PPFIA2: variants seen among roughly 807,000 people sequenced by gnomAD.
PPFIA2 encodes liprin-alpha-2.
Under a neutral mutation model 175.5 loss-of-function variants are expected in PPFIA2, and 46 were observed. The observed-to-expected ratio is 0.26, with a 90% CI of 0.21 to 0.34. The LOEUF is 0.34. Among genes scored for constraint, PPFIA2 ranks in the 10% least tolerant of loss-of-function variants. PPFIA2 has a pLI of 1.00. For missense variants in PPFIA2, 1,179 were observed against 1,506.1 expected, an observed-to-expected ratio of 0.78 and a Z score of 3.60; for synonymous variants, 568 against 511.4, an observed-to-expected ratio of 1.11 and a Z score of -1.49.
At chr12:81,348,179 G>C (rs1387353401) in intron 17 of PPFIA2, among the ~76,000 whole-genome samples, 3 of 152,014 alleles carry the variant, frequency 2.0e-5, no homozygotes, top group Non-Finnish European at 4.4e-5. Context: ...CAATAGCTTA[G>C]AAAAAGTGAA....
intron 4 of PPFIA2, among the ~76,000 whole-genome samples, chr12:81,505,049 C>A (rs922958346): frequency 4.6e-5 from 7 of 151,998 alleles, no homozygotes; most frequent in Non-Finnish European, 8.8e-5. Flanking sequence ...ATGTAGATAA[C>A]GGGTTGATGC....
At chr12:81,316,687 T>C (rs758366630) in intron 22 of PPFIA2, among the ~76,000 whole-genome samples, 61 of 151,622 alleles carry the variant, frequency 4.0e-4, no homozygotes, top group Admixed American at 1.8e-3. Context: ...CATTTGTTGC[T>C]CATTTTTAAG....
At chr12:81,447,363 C>T (rs897053334) in intron 5 of PPFIA2, among the ~76,000 whole-genome samples, 3 of 152,086 alleles carry the variant, frequency 2.0e-5, no homozygotes, top group Non-Finnish European at 4.4e-5. Context: ...GTCAATCTTT[C>T]GCTGGCAAAC....
At chr12:81,543,504 G>A (rs942037020) in intron 4 of PPFIA2, among the ~76,000 whole-genome samples, 2 of 152,106 alleles carry the variant, frequency 1.3e-5, no homozygotes, top group Non-Finnish European at 2.9e-5. Flanking sequence ...GATGATATAA[G>A]TAAATAAATG....
intron 22 of PPFIA2, among the ~76,000 whole-genome samples, chr12:81,311,165 ATAGATAAATACTC>A (rs1034168007): frequency 1.3e-5 from 2 of 152,220 alleles, no homozygotes; most frequent in Non-Finnish European, 2.9e-5. Context: ...TCTGTTAGGA[ATAGATAAATACTC>A]TAATTTTAGC....
In PPFIA2 at chr12:81,509,903, C is replaced by A. The variant is rs542677288; in HGVS notation, c.304-52037G>T. Among the ~76,000 whole-genome samples, 4 of 152,208 alleles carry A rather than the reference C, an allele frequency of 2.6e-5. No homozygotes were observed. In the East Asian group the frequency reaches 7.7e-4, roughly 29 times the overall value. On this transcript the variant is annotated intron_variant, in intron 4 of 32. Coordinates refer to ENST00000549396, the MANE Select transcript of PPFIA2 (RefSeq NM_003625.5). ...TAAAAAGTGAATGTTTTTGAAAGTT[C>A]AGAACCATTCTATGCTATCTGTTAG...
intron 9 of PPFIA2, among the ~76,000 whole-genome samples, chr12:81,377,617 C>G (rs2036680967): frequency 6.6e-6 from 1 of 151,816 alleles, no homozygotes; most frequent in African/African-American, 2.4e-5. Context: ...TCCCTAGTCT[C>G]CTGCCCACCC....
chr12:81,508,287 C>T (rs964565345), intron 4 of PPFIA2, among the ~76,000 whole-genome samples: 7 of 151,720 alleles, frequency 4.6e-5, no homozygotes. Context: ...TTTGGGAGGC[C>T]GAGGTGGGTG....
At chr12:81,330,876 T>C (rs1394202825) in intron 21 of PPFIA2, among the ~76,000 whole-genome samples, 1 of 152,224 alleles carries the variant, frequency 6.6e-6, no homozygotes, top group Non-Finnish European at 1.5e-5. Flanking sequence ...CCGGAGACTG[T>C]ATCTATACAC....
intron 30 of PPFIA2, 50 bp from the exon 31 acceptor site, chr12:81,263,440 A>G (rs1565785394): frequency 2.6e-6 from 4 of 1,515,216 alleles, no homozygotes; most frequent in Non-Finnish European, 3.7e-6. Flanking sequence ...AAACTAGTCC[A>G]TGTGCTTAAA....
rs377180392 is a variant in PPFIA2, at chr12:81,339,194, C to T, written c.2534G>A (p.Arg845Gln). 136 of 1,598,670 alleles carry T rather than the reference C, an allele frequency of 8.5e-5. No homozygotes were observed. The highest frequency in any genetic ancestry group is 1.7e-4 in the Middle Eastern group (1 of 5,954). ...GRLFGKKEKA[R>Q]LGQLRGFMET... ...TGCATACTTACGGAGCTGCCCAAGT[C>T]GAGCTTTTTCTTTTTTACCAAACAA... is the stretch of plus-strand genomic sequence containing the variant. Residue 845 changes from arginine to glutamine, a missense_variant, in exon 21 of 33, where the codon CGA (arginine) becomes CAA (glutamine). Physicochemically the swap from Arg to Gln is conservative, Grantham distance 43. This residue lies in a region of PPFIA2 where 223 missense variants were observed against 241.6 expected (regional missense o/e 0.92). Transcript: ENST00000549396.
At chr12:81,425,970 G>T (rs1455342133) in intron 7 of PPFIA2, among the ~76,000 whole-genome samples, 1 of 152,100 alleles carries the variant, frequency 6.6e-6, no homozygotes, top group Non-Finnish European at 1.5e-5. Context: ...AGGAGGTCAG[G>T]CTTTTGCCCT....
At chr12:81,715,011 G>A (rs896723183) in intron 3 of PPFIA2, among the ~76,000 whole-genome samples, 15 of 150,980 alleles carry the variant, frequency 9.9e-5, no homozygotes, top group African/African-American at 3.1e-4. Flanking sequence ...TGTTAATGAA[G>A]TGGAAAGTTT....
At position 81,652,874 on chromosome 12, in the gene PPFIA2, C is replaced by A. The variant is rs573567339; in HGVS notation, c.303+23917G>T. ...TGCCCTTTTCTTCCCACTCCCAACC[C>A]CACCCAAATCTTTCTTATGTTCTCT... On this transcript the variant is annotated intron_variant, in intron 4 of 32. Transcript: ENST00000549396. Among the ~76,000 whole-genome samples, 4 of 152,210 alleles carry A rather than the reference C, an allele frequency of 2.6e-5. No individual in the cohort carries two copies. In the South Asian group the frequency reaches 8.3e-4, roughly 32 times the overall value.
intron 4 of PPFIA2, among the ~76,000 whole-genome samples, chr12:81,582,418 TACTA>T (rs2074555840): frequency 6.6e-6 from 1 of 151,840 alleles, no homozygotes; most frequent in South Asian, 2.1e-4. Context: ...AAATGTAATA[TACTA>T]ACTGGCTATA....
chr12:81,542,612 C>T (rs190678013), intron 4 of PPFIA2, among the ~76,000 whole-genome samples: 36 of 152,220 alleles, frequency 2.4e-4, no homozygotes, highest in Admixed American at 5.2e-4. Context: ...TTTCCCTCAG[C>T]TGGACTAAAT....
chr12:81,299,865 T>C (rs553753706), intron 22 of PPFIA2, among the ~76,000 whole-genome samples: 20 of 152,300 alleles, frequency 1.3e-4, no homozygotes, highest in African/African-American at 4.6e-4. Flanking sequence ...TTGATTTTAG[T>C]ATGCCCTGTG....
chr12:81,533,623 A>G (rs762630073), intron 4 of PPFIA2, among the ~76,000 whole-genome samples: 18 of 151,500 alleles, frequency 1.2e-4, no homozygotes, highest in Non-Finnish European at 2.5e-4. Flanking sequence ...GAATATGTGA[A>G]CAATGAATTA....
intron 4 of PPFIA2, among the ~76,000 whole-genome samples, chr12:81,510,147 T>C (rs1203547812): frequency 1.3e-5 from 2 of 152,066 alleles, no homozygotes; most frequent in Admixed American, 1.3e-4. Context: ...ATATTTATTA[T>C]ATATCAATAT....
Sources: gnomAD v4.1 joint callset for allele counts (sites outside exome capture counted in the v4.1 genomes callset) on GRCh38, gnomAD v4.1.1 for gene constraint, gnomAD v4.1.1 regional missense constraint, MANE v1.5 for transcripts, NCBI Gene and HGNC (gene_info 2026-07-23, HGNC 2026-07-21) for gene names.